Variants in AP3D1 observed in about 807,000 individuals in gnomAD.
AP3D1 encodes AP-3 complex subunit delta-1.
AP3D1 carries 51 observed loss-of-function variants against 147.6 expected under a neutral mutation model. That is an observed-to-expected ratio of 0.35 (90% CI 0.28 to 0.44). AP3D1 has a LOEUF of 0.44. Among genes scored for constraint, AP3D1 ranks in the 20% least tolerant of loss-of-function variants. The pLI, the probability that AP3D1 is intolerant of heterozygous loss-of-function variation, is 1.00. For synonymous variants in AP3D1, 760 were observed against 663.0 expected (o/e 1.15, Z -2.25); for missense variants, 1,421 against 1,624.2 (o/e 0.87, Z 2.15).
chr19:2,109,763 C>T lies in AP3D1; in HGVS notation c.3350+110G>A, dbSNP rs575743554. 156 of 1,064,156 alleles carry T rather than the reference C, an allele frequency of 1.5e-4. 3 individuals are homozygous for T. In the South Asian group the frequency reaches 1.7e-3, roughly 12 times the overall value. 65.9% of individuals were successfully genotyped at this position (1,064,156 alleles called of 1,614,324 possible). A position where few individuals can be genotyped will look rare whatever the true frequency, so the allele number is the denominator to read the frequency against. On this transcript the variant is annotated intron_variant, in intron 29 of 31. Transcript: ENST00000643116. ...AGTCACGAGCCAGCGCCTCCAAATC[C>T]GTCTCTAAAGTCCTGCCCAGAAGCC...
chr19:2,103,613 C>G (rs1176109978), intron 31 of AP3D1, among the ~76,000 whole-genome samples: 2 of 152,206 alleles, frequency 1.3e-5, no homozygotes, highest in Non-Finnish European at 2.9e-5. Context: ...TGCCGGGTCC[C>G]AAGGCCAGGG....
At position 2,160,752 on chromosome 19, in the gene AP3D1, T is replaced by G. The variant is rs1599508919; in HGVS notation, c.-103+3604A>C. On this transcript the variant is annotated intron_variant, in intron 1 of 14. Coordinates refer to the AP3D1 transcript ENST00000643010. The stretch of plus-strand genomic sequence containing the variant: ...GAGAAATCAACTGTTCAGAATAATG[T>G]TAGACCAGGATCTCTCCCCTGGAGA... Among the ~76,000 whole-genome samples, 3 of 152,166 alleles carry G rather than the reference T, an allele frequency of 2.0e-5. No homozygotes were observed. The South Asian group carries it at 6.2e-4, about 32-fold the overall frequency.
At chr19:2,102,732 T>A (rs201569724) in intron 31 of AP3D1, among the ~76,000 whole-genome samples, 12 of 708 alleles carry the variant, frequency 0.017, no homozygotes, top group African/African-American at 0.025. Flanking sequence ...TCTCAAAAAA[T>A]AAATAAATAA....
chr19:2,118,647 C>A lies in AP3D1; in HGVS notation c.1667G>T (p.Arg556Leu), dbSNP rs752015429. ...AQAVTQLMVDRLPQFVQSADL... is the reference protein window; with the variant it reads ...AQAVTQLMVDLLPQFVQSADL... ...TGCGCTCTGCACAAACTGGGGCAGC[C>A]GGTCCACCATGAGCTGGGTGACGGC... The change falls in exon 15 of 32, where the codon CGG (arginine) becomes CTG (leucine). Residue 556 changes from arginine (R) to leucine (L), a missense_variant. This residue lies in a region of AP3D1 where 310 missense variants were observed against 388.1 expected (regional missense o/e 0.80). Coordinates refer to ENST00000643116, the MANE Select transcript of AP3D1 (RefSeq NM_001261826.3). 3 of 1,612,372 alleles carry A rather than the reference C, an allele frequency of 1.9e-6. No individual in the cohort carries two copies. Among genetic ancestry groups the A allele is most frequent in the Non-Finnish European group, 2.5e-6 (3 of 1,180,026 alleles).
intron 17 of AP3D1, 75 bp downstream of exon 17, chr19:2,116,530 C>T (rs1487543797): frequency 2.5e-5 from 36 of 1,463,772 alleles, no homozygotes; most frequent in South Asian, 7.0e-5. Context: ...CCACAGAGGC[C>T]GCTGACCTGC....
In AP3D1 at chr19:2,111,731, T is replaced by A. The variant is rs1362847639; in HGVS notation, c.2885A>T (p.Glu962Val). 1.2e-6 allele frequency: 2 copies of A among 1,606,622 alleles called. No individual in the cohort carries two copies. Among genetic ancestry groups the A allele is most frequent in the South Asian group, 1.1e-5 (1 of 89,986 alleles). ...ATTCTGCACCGGCTCCCCCGCTGCC[T>A]CCTCGCTGCCTGGAGGCTGCTTCTT... ...KSKKQPPGSE[E>V]AAGEPVQNGA... The change falls in exon 25 of 32, where the codon GAG becomes GTG. Residue 962 changes from glutamate to valine, a missense_variant. By Grantham distance (121) the Glu-to-Val change is moderately radical. Transcript: ENST00000643116.
rs771585825 is a variant in AP3D1, at chr19:2,110,686, CGT to C, written c.3175+19_3175+20del. On this transcript the variant is annotated intron_variant, in intron 27 of 31. Transcript: ENST00000643116. Reference sequence around the variant, plus strand: ...CGCTCCCACAGTCCCCAGGAGAGGCCGTGAGTGGGGCAGGGCTCACCTGGGGG... The same window carrying C: ...CGCTCCCACAGTCCCCAGGAGAGGCCGAGTGGGGCAGGGCTCACCTGGGGG... 5.1e-6 allele frequency: 8 copies of C among 1,566,762 alleles called. No individual in the cohort carries two copies. Among genetic ancestry groups the C allele is most frequent in the Non-Finnish European group, 6.9e-6 (8 of 1,155,718 alleles).
At chr19:2,118,468 C>G in intron 15 of AP3D1, 133 bp downstream of exon 15, 1 of 887,450 alleles carries the variant, frequency 1.1e-6, no homozygotes. Context: ...CCAGCTGGCA[C>G]AAGTGGCAAC....
chr19:2,110,853 G>T lies in AP3D1; in HGVS notation c.3029C>A (p.Thr1010Asn), dbSNP rs1215617257. The change falls in exon 27 of 32, where the codon ACT becomes AAT. Residue 1010 changes from threonine to asparagine, a missense_variant. Around this residue, in one of 6 missense-constraint regions of AP3D1, gnomAD observed 791 missense variants for 761.4 expected, o/e 1.04. Coordinates refer to ENST00000643116, the MANE Select transcript of AP3D1 (RefSeq NM_001261826.3). ...CCTGTTCTCCAGCACGATGGCCACA[G>T]TGACCTGGCTGTCCTCCTGCAGACT... is the stretch of plus-strand genomic sequence containing the variant. ...RGSLQEDSQVTVAIVLENRSS... is the reference protein window; with the variant it reads ...RGSLQEDSQVNVAIVLENRSS... The T allele has an allele frequency of 5.0e-6, 8 of 1,613,444 alleles. No individual in the cohort carries two copies. Among genetic ancestry groups the T allele is most frequent in the Non-Finnish European group, 6.8e-6 (8 of 1,180,006 alleles).
At chr19:2,108,551 G>T in intron 31 of AP3D1, 136 bp downstream of exon 31, 1 of 753,106 alleles carries the variant, frequency 1.3e-6, no homozygotes, top group Non-Finnish European at 2.2e-6. Context: ...ACAGGTGAGG[G>T]GCTCATGGCA....
In AP3D1 at chr19:2,114,295, C is replaced by G. The variant is rs373947012; in HGVS notation, c.2431G>C (p.Ala811Pro). The change falls in exon 22 of 32, where the codon GCC (alanine) becomes CCC (proline). Residue 811 changes from alanine to proline, a missense_variant. Ala to Pro is a conservative substitution (Grantham distance 27). This residue lies in a region of AP3D1 where 791 missense variants were observed against 761.4 expected (regional missense o/e 1.04). Coordinates refer to ENST00000643116, the MANE Select transcript of AP3D1 (RefSeq NM_001261826.3). ...TGAATAGGCAGTTTCTCGCTGTCGG[C>G]TAAGGGCCTGGAGGAGGAATGACCG... ...ALDIDLDKPL[A>P]DSEKLPIQKH... 4.5e-5 allele frequency: 73 copies of G among 1,611,110 alleles called. No individual in the cohort carries two copies. Among genetic ancestry groups the G allele is most frequent in the Non-Finnish European group, 9.3e-6 (11 of 1,179,206 alleles).
At position 2,132,594 on chromosome 19, in the gene AP3D1, A is replaced by G. The variant is rs1028598618; in HGVS notation, c.355-16T>C. The G allele has an allele frequency of 1.9e-6, 3 of 1,593,490 alleles. No homozygotes were observed. The highest frequency in any genetic ancestry group is 3.4e-5 in the Admixed American group (2 of 59,520). On this transcript the variant is annotated splice_polypyrimidine_tract_variant and intron_variant, in intron 4 of 31. Transcript: ENST00000643116. ...TGCTCAAGTCCTGGAAAGTGAGAGAAAGGGGCCGTGGCCAGGATGCCCTGG... is the reference window on the plus strand; with the variant it reads ...TGCTCAAGTCCTGGAAAGTGAGAGAGAGGGGCCGTGGCCAGGATGCCCTGG...
At chr19:2,102,411 C>A (rs60604006) in intron 31 of AP3D1, 143 bp from the exon 32 acceptor site, 4 of 654,822 alleles carry the variant, frequency 6.1e-6, no homozygotes, top group Non-Finnish European at 1.1e-5. Flanking sequence ...CTGGTCAACA[C>A]GGTGAAACCC....
chr19:2,142,723 C>T, intron 1 of AP3D1, among the ~76,000 whole-genome samples: 1 of 151,918 alleles, frequency 6.6e-6, no homozygotes. Context: ...CGGTCCCCCT[C>T]ACCCCAATGG....
At chr19:2,111,082 C>T (rs2018261872) in intron 26 of AP3D1, 186 bp from the exon 27 acceptor site, 1 of 910,592 alleles carries the variant, frequency 1.1e-6, no homozygotes, top group African/African-American at 1.7e-5. Flanking sequence ...ATGGCGGGGA[C>T]CCTCCTGCCA....
chr19:2,135,827 C>T (rs954862132), intron 4 of AP3D1, among the ~76,000 whole-genome samples: 2 of 152,172 alleles, frequency 1.3e-5, no homozygotes, highest in Non-Finnish European at 2.9e-5. Context: ...GACACGTGGC[C>T]CTCCTTGCTG....
chr19:2,116,030 A>G (rs973358236), intron 18 of AP3D1, among the ~76,000 whole-genome samples, 177 bp downstream of exon 18: 7 of 152,334 alleles, frequency 4.6e-5, no homozygotes, highest in African/African-American at 1.2e-4. Flanking sequence ...GGAGGCTCGA[A>G]TGAATGGGGC....
chr19:2,124,099 T>C (rs1171895696), intron 9 of AP3D1, among the ~76,000 whole-genome samples: 1 of 152,228 alleles, frequency 6.6e-6, no homozygotes, highest in African/African-American at 2.4e-5. Context: ...CCACCCTCAC[T>C]GACAGGATGG....
At chr19:2,123,688 G>A in intron 10 of AP3D1, 142 bp downstream of exon 10, 1 of 1,007,364 alleles carries the variant, frequency 9.9e-7, no homozygotes, top group Non-Finnish European at 1.5e-6. Context: ...AGTGCACACA[G>A]GACGCGGCTG....
Sources: gnomAD v4.1 joint callset for allele counts (sites outside exome capture counted in the v4.1 genomes callset) on GRCh38, gnomAD v4.1.1 for gene constraint, gnomAD v4.1.1 regional missense constraint, MANE v1.5 for transcripts, NCBI Gene and HGNC (gene_info 2026-07-23, HGNC 2026-07-21) for gene names.